The following SAMMSON variants were observed in gnomAD, a reference collection of about 807,000 sequenced individuals.
SAMMSON encodes the protein long intergenic non-protein coding RNA 1212.
At chr3:70,081,304 A>G (rs1372873230) in intron 4 of SAMMSON, among the ~76,000 whole-genome samples, 4 of 152,012 alleles carry the variant, frequency 2.6e-5, no homozygotes, top group African/African-American at 9.7e-5. Context: ...TAGTAGAGAC[A>G]GGGTTTCACC....
intron 4 of SAMMSON, among the ~76,000 whole-genome samples, chr3:70,231,381 C>T (rs1701558827): frequency 6.6e-6 from 1 of 152,192 alleles, no homozygotes; most frequent in Admixed American, 6.5e-5. Context: ...CGCAAACTTG[C>T]GTTTTTTCTC....
At chr3:70,096,606 T>C (rs1315933405) in intron 4 of SAMMSON, among the ~76,000 whole-genome samples, 1 of 152,242 alleles carries the variant, frequency 6.6e-6, no homozygotes, top group Middle Eastern at 3.4e-3. Context: ...AAAGTGACAT[T>C]CTGTGACCTT....
chr3:70,427,698 ACT>A (rs1701382468), intron 2 of SAMMSON, among the ~76,000 whole-genome samples: 1 of 149,382 alleles, frequency 6.7e-6, no homozygotes, highest in African/African-American at 2.5e-5. Flanking sequence ...AGATCGCGCC[ACT>A]GCGCTCCAGC....
intron 6 of SAMMSON, among the ~76,000 whole-genome samples, chr3:70,288,925 C>T (rs1451375988): frequency 1.3e-5 from 2 of 151,822 alleles, no homozygotes; most frequent in Non-Finnish European, 2.9e-5. Flanking sequence ...GATCTTCCTC[C>T]ATCCTTTTAT....
chr3:70,049,314 G>A (rs1262714730), intron 3 of SAMMSON, among the ~76,000 whole-genome samples: 4 of 152,022 alleles, frequency 2.6e-5, no homozygotes, highest in Admixed American at 2.0e-4. Context: ...TTTCCTGGGT[G>A]GCCAGGAAAG....
chr3:70,057,570 A>G (rs2067172690), intron 3 of SAMMSON, among the ~76,000 whole-genome samples: 1 of 151,834 alleles, frequency 6.6e-6, no homozygotes, highest in Admixed American at 6.6e-5. Flanking sequence ...ACTGTAGCTA[A>G]TTTTTCCTTT....
Position 70,245,530 on chromosome 3 carries a change from A to G in SAMMSON, n.508-3577A>G, listed in dbSNP as rs556909148. ...AAATAGAAAGCAGTTTTAATTCTGT[A>G]CTACTTACTTAATATTGATGCCAAC... On this transcript the variant is annotated intron_variant and non_coding_transcript_variant, in intron 4 of 9. Coordinates refer to ENST00000642114, the Ensembl canonical transcript of SAMMSON. Among the ~76,000 whole-genome samples, 21 of 151,540 alleles carry G rather than the reference A, an allele frequency of 1.4e-4. No homozygotes were observed. The South Asian group carries it at 4.2e-3, about 30-fold the overall frequency.
rs187332051 is a variant in SAMMSON at position 70,085,613 on chromosome 3, C to T, written n.507+14048C>T. 9.9e-5 allele frequency among the ~76,000 whole-genome samples: 15 copies of T among 152,276 alleles called. No homozygotes were observed. The East Asian group carries it at 2.7e-3, about 27-fold the overall frequency. On this transcript the variant is annotated intron_variant and non_coding_transcript_variant, in intron 4 of 9. Coordinates refer to ENST00000642114, the Ensembl canonical transcript of SAMMSON. Reference sequence around the variant, plus strand: ...GATATATTGAAGGAAGTCACTCTTCCTCCCAAACTCCTGACTTACCCAAAT... The same window carrying T: ...GATATATTGAAGGAAGTCACTCTTCTTCCCAAACTCCTGACTTACCCAAAT...
chr3:70,024,271 T>C (rs2067028511), intron 3 of SAMMSON, among the ~76,000 whole-genome samples: 1 of 152,234 alleles, frequency 6.6e-6, no homozygotes, highest in African/African-American at 2.4e-5. Context: ...TGATAAAAGC[T>C]TAATAGTTTC....
intron 4 of SAMMSON, among the ~76,000 whole-genome samples, chr3:70,076,863 C>T (rs775936770): frequency 4.6e-5 from 7 of 151,946 alleles, no homozygotes; most frequent in South Asian, 4.1e-4. Context: ...TGTAATTTCT[C>T]GTTAGACACA....
At chr3:70,362,698 T>TA (rs1056529933) in intron 9 of SAMMSON, among the ~76,000 whole-genome samples, 8 of 152,074 alleles carry the variant, frequency 5.3e-5, no homozygotes, top group African/African-American at 1.9e-4. Context: ...ATCTTTTTTT[T>TA]ACATCCCTGA....
chr3:70,051,169 A>G (rs1465679644), intron 3 of SAMMSON, among the ~76,000 whole-genome samples: 10 of 149,660 alleles, frequency 6.7e-5, no homozygotes, highest in Admixed American at 1.3e-4. Context: ...AAGAAAAAAA[A>G]AGAATACAGC....
intron 3 of SAMMSON, among the ~76,000 whole-genome samples, chr3:70,052,047 G>A (rs2067148367): frequency 6.6e-6 from 1 of 152,044 alleles, no homozygotes; most frequent in Non-Finnish European, 1.5e-5. Flanking sequence ...GCAGTGAGCT[G>A]TGATTGCACC....
chr3:70,405,406 A>G (rs985118008), intron 2 of SAMMSON, among the ~76,000 whole-genome samples: 7 of 152,230 alleles, frequency 4.6e-5, no homozygotes, highest in African/African-American at 1.7e-4. Context: ...TAGTAGAAGA[A>G]GCAGGAAAAT....
At chr3:70,315,814 C>A (rs113513368) in intron 7 of SAMMSON, among the ~76,000 whole-genome samples, 19 of 152,058 alleles carry the variant, frequency 1.2e-4, no homozygotes, top group African/African-American at 3.9e-4. Flanking sequence ...CCCAACCAAA[C>A]GCTCAAAAGT....
In SAMMSON at chr3:70,102,140, T is replaced by A. The variant is rs2067348729; in HGVS notation, n.507+30575T>A. 2.0e-5 allele frequency among the ~76,000 whole-genome samples: 3 copies of A among 152,198 alleles called. No homozygotes were observed. In the South Asian group the frequency reaches 6.2e-4, roughly 32 times the overall value. On this transcript the variant is annotated intron_variant and non_coding_transcript_variant, in intron 4 of 9. Transcript: ENST00000642114. ...TGCCATTTTCAGGATGTTTAGAGATTCCATCTTAGTCTTATCTGAATTAAG... is the reference window on the plus strand; with the variant it reads ...TGCCATTTTCAGGATGTTTAGAGATACCATCTTAGTCTTATCTGAATTAAG...
chr3:70,013,429 C>T (rs1267272971), intron 2 of SAMMSON: 1 of 152,144 alleles, frequency 6.6e-6, no homozygotes, highest in African/African-American at 2.4e-5. Context: ...GTCAATGGAG[C>T]TCCAGGCAAA....
intron 7 of SAMMSON, among the ~76,000 whole-genome samples, chr3:70,325,935 T>C (rs1702578120): frequency 6.6e-6 from 1 of 152,168 alleles, no homozygotes; most frequent in African/African-American, 2.4e-5. Context: ...ACTGTGTTTC[T>C]TCACGTATTT....
At chr3:70,009,635 C>T (rs1340410256) in intron 1 of SAMMSON, among the ~76,000 whole-genome samples, 4 of 151,526 alleles carry the variant, frequency 2.6e-5, no homozygotes, top group Non-Finnish European at 4.4e-5. Flanking sequence ...TGTCTCTATT[C>T]CCTTCAGTTC....
Sources: allele counts gnomAD v4.1 joint callset (sites outside exome capture counted in the v4.1 genomes callset), GRCh38; gene constraint gnomAD v4.1.1; transcripts MANE v1.5; gene names NCBI Gene and HGNC (gene_info 2026-07-23, HGNC 2026-07-21).